GRID2: variants seen among roughly 807,000 people sequenced by gnomAD.
GRID2 encodes glutamate receptor ionotropic, delta-2.
A neutral mutation model predicts 114.8 loss-of-function variants in GRID2; 33 were observed. The ratio of observed to expected loss-of-function variants is 0.29; its 90% CI spans 0.22 to 0.38. The LOEUF (loss-of-function observed/expected upper bound fraction) is 0.38. GRID2 is among the 10% of genes least tolerant of loss of function. The pLI is 1.00. For synonymous variants in GRID2, 505 were observed against 449.9 expected (o/e 1.12, Z -1.55); for missense variants, 1,184 against 1,257.7 (o/e 0.94, Z 0.89).
chr4:93,333,279 G>T (rs546130893), intron 8 of GRID2, among the ~76,000 whole-genome samples: 2 of 152,220 alleles, frequency 1.3e-5, no homozygotes, highest in Non-Finnish European at 2.9e-5. Flanking sequence ...GGTATAGAAT[G>T]AAGCTTGAGA....
At chr4:93,109,856 G>C (rs1241344756) in intron 3 of GRID2, among the ~76,000 whole-genome samples, 1 of 152,038 alleles carries the variant, frequency 6.6e-6, no homozygotes, top group Non-Finnish European at 1.5e-5. Flanking sequence ...AAATATTTGT[G>C]ATATTTCAGA....
chr4:92,514,429 A>C (rs1383128987), intron 1 of GRID2, among the ~76,000 whole-genome samples: 4 of 151,870 alleles, frequency 2.6e-5, no homozygotes, highest in African/African-American at 9.7e-5. Context: ...GGTAATTTAC[A>C]TACATTTTTA....
At chr4:93,712,292 C>G (rs1324373887) in intron 14 of GRID2, among the ~76,000 whole-genome samples, 2 of 151,940 alleles carry the variant, frequency 1.3e-5, no homozygotes, top group Non-Finnish European at 2.9e-5. Flanking sequence ...TACTTGGAAT[C>G]TATCTTTTAG....
chr4:92,677,523 A>G (rs1327135196), intron 2 of GRID2, among the ~76,000 whole-genome samples: 1 of 152,064 alleles, frequency 6.6e-6, no homozygotes, highest in Admixed American at 6.5e-5. Flanking sequence ...TTGCATGTGA[A>G]AAAAGTTTTT....
intron 8 of GRID2, among the ~76,000 whole-genome samples, chr4:93,348,208 A>C (rs935353923): frequency 1.3e-5 from 2 of 152,168 alleles, no homozygotes; most frequent in Admixed American, 1.3e-4. Context: ...AACTATTCCA[A>C]AAGTTATTTT....
intron 2 of GRID2, among the ~76,000 whole-genome samples, chr4:92,883,934 TC>T (rs1746192260): frequency 6.6e-6 from 1 of 152,234 alleles, no homozygotes. Context: ...GTTGTCAGTT[TC>T]ATTAGTCCCT....
At chr4:92,812,549 T>A (rs1740711511) in intron 2 of GRID2, among the ~76,000 whole-genome samples, 1 of 152,128 alleles carries the variant, frequency 6.6e-6, no homozygotes, top group African/African-American at 2.4e-5. Flanking sequence ...TGATTTTAAA[T>A]GTAGTATTTA....
At chr4:92,752,288 G>T (rs1040654705) in intron 2 of GRID2, among the ~76,000 whole-genome samples, 1 of 152,056 alleles carries the variant, frequency 6.6e-6, no homozygotes, top group Non-Finnish European at 1.5e-5. Context: ...AGTATTTCTT[G>T]TTTCAAACAA....
intron 8 of GRID2, among the ~76,000 whole-genome samples, chr4:93,309,535 C>T (rs1755785208): frequency 6.7e-6 from 1 of 149,558 alleles, no homozygotes; most frequent in Non-Finnish European, 1.5e-5. Flanking sequence ...AAGACCTTGT[C>T]TCAAAAAATA....
chr4:93,154,310 TA>T (rs1005364140), intron 4 of GRID2, among the ~76,000 whole-genome samples: 1 of 151,462 alleles, frequency 6.6e-6, no homozygotes, highest in African/African-American at 2.4e-5. Flanking sequence ...ACCACCACCC[TA>T]ACACCTTTCC....
chr4:93,757,873 C>G (rs561247497), intron 14 of GRID2, among the ~76,000 whole-genome samples: 1 of 152,266 alleles, frequency 6.6e-6, no homozygotes, highest in Admixed American at 6.5e-5. Context: ...AGGAGAATTG[C>G]TTGAATCCGG....
At chr4:92,770,624 G>A (rs919595295) in intron 2 of GRID2, among the ~76,000 whole-genome samples, 13 of 152,128 alleles carry the variant, frequency 8.5e-5, no homozygotes, top group Admixed American at 2.6e-4. Context: ...AAGGCAAGGA[G>A]GGGCAATTCA....
intron 2 of GRID2, among the ~76,000 whole-genome samples, chr4:93,046,061 G>C (rs1430857353): frequency 6.6e-6 from 1 of 151,992 alleles, no homozygotes; most frequent in East Asian, 1.9e-4. Flanking sequence ...AAGTCTCCTA[G>C]AATATAAGGT....
At chr4:92,422,799 G>A (rs1219944814) in intron 1 of GRID2, among the ~76,000 whole-genome samples, 11 of 152,228 alleles carry the variant, frequency 7.2e-5, no homozygotes, top group Admixed American at 3.3e-4. Flanking sequence ...TGTTAGTCCC[G>A]CAAAAGCAGT....
Position 93,729,425 on chromosome 4 carries a change from A to T in GRID2, c.2361-39785A>T, listed in dbSNP as rs554867915. Among the ~76,000 whole-genome samples the T allele has an allele frequency of 7.2e-5, 11 of 151,804 alleles. No homozygotes were observed. The South Asian group carries it at 2.3e-3, about 32-fold the overall frequency. On this transcript the variant is annotated intron_variant, in intron 14 of 15. Coordinates refer to ENST00000282020, the MANE Select transcript of GRID2 (RefSeq NM_001510.4). The stretch of plus-strand genomic sequence containing the variant: ...ATTACTGGAATAACACCACCTCTAT[A>T]CTCCAACAGTGTCGTATGTCTTCTT...
At chr4:93,000,370 A>G (rs544472339) in intron 2 of GRID2, among the ~76,000 whole-genome samples, 19 of 151,658 alleles carry the variant, frequency 1.3e-4, no homozygotes, top group Non-Finnish European at 2.2e-4. Flanking sequence ...GAATTATTGA[A>G]TACCATGATT....
At chr4:93,643,663 T>C (rs1721822927) in intron 14 of GRID2, among the ~76,000 whole-genome samples, 1 of 56,116 alleles carries the variant, frequency 1.8e-5, no homozygotes, top group Admixed American at 1.5e-4. Context: ...GGAGGCAGTC[T>C]GCCCGTTCTC....
intron 2 of GRID2, among the ~76,000 whole-genome samples, chr4:93,038,018 G>A (rs1282648895): frequency 2.0e-5 from 3 of 152,172 alleles, no homozygotes; most frequent in African/African-American, 7.2e-5. Flanking sequence ...ATTTGATGGG[G>A]ATAGCACTGA....
At chr4:92,387,028 G>T (rs1240928053) in intron 1 of GRID2, among the ~76,000 whole-genome samples, 1 of 151,840 alleles carries the variant, frequency 6.6e-6, no homozygotes, top group Non-Finnish European at 1.5e-5. Context: ...TAACAGAAAA[G>T]ACGTTTTTGG....
Sources: allele counts gnomAD v4.1 joint callset (sites outside exome capture counted in the v4.1 genomes callset), GRCh38; gene constraint gnomAD v4.1.1; transcripts MANE v1.5; gene names NCBI Gene and HGNC (gene_info 2026-07-23, HGNC 2026-07-21).